Variants in SUGCT observed in about 807,000 individuals in gnomAD.
SUGCT encodes succinyl-CoA:glutarate-CoA transferase, also known as succinyl-CoA:glutarate CoA-transferase.
A neutral mutation model predicts 55.0 loss-of-function variants in SUGCT; 41 were observed. The ratio of observed to expected loss-of-function variants is 0.74; its 90% confidence interval spans 0.58 to 0.97. SUGCT has a LOEUF of 0.97. Ranked by LOEUF, SUGCT falls within the 50% of genes least tolerant of loss-of-function variation. The pLI is 0.00. For missense variants in SUGCT, 568 were observed against 547.8 expected (o/e 1.04, Z -0.37); for synonymous variants, 187 against 200.4 (o/e 0.93, Z 0.56).
chr7:40,188,145 T>C (rs1349970950), intron 3 of SUGCT, among the ~76,000 whole-genome samples: 3 of 148,782 alleles, frequency 2.0e-5, no homozygotes, highest in Non-Finnish European at 4.5e-5. Context: ...TAGAAACTGC[T>C]TTAAATGGAT....
intron 13 of SUGCT, among the ~76,000 whole-genome samples, chr7:40,752,731 T>C (rs527409128): frequency 2.7e-5 from 4 of 150,560 alleles, no homozygotes; most frequent in Admixed American, 6.6e-5. Flanking sequence ...TTCAAAGTTA[T>C]ATGGTGAGGA....
At chr7:40,475,896 A>G (rs1002744607) in intron 11 of SUGCT, among the ~76,000 whole-genome samples, 19 of 152,040 alleles carry the variant, frequency 1.2e-4, no homozygotes, top group African/African-American at 4.6e-4. Context: ...TTATCTATCA[A>G]TCCATCAATT....
chr7:40,750,854 G>A (rs551993747), intron 13 of SUGCT, among the ~76,000 whole-genome samples: 147 of 152,208 alleles, frequency 9.7e-4, no homozygotes, highest in African/African-American at 3.4e-3. Context: ...AAGCTAAGAA[G>A]TTCATCAGTT....
chr7:40,569,682 A>C (rs1193627924), intron 12 of SUGCT, among the ~76,000 whole-genome samples: 1 of 152,150 alleles, frequency 6.6e-6, no homozygotes, highest in Non-Finnish European at 1.5e-5. Context: ...GTAAAATAGG[A>C]ATTGTCTCAA....
At position 40,210,290 on chromosome 7, in the gene SUGCT, C is replaced by T. The variant is rs373308750; in HGVS notation, c.484+15230C>T. ...CTCAAACTCCTGACCTTGTGATCTG[C>T]CCACTTTGGCCTCCCAAAGTGCTGG... On this transcript the variant is annotated intron_variant, in intron 6 of 13. Transcript: ENST00000335693. Among the ~76,000 whole-genome samples the T allele has an allele frequency of 3.9e-4, 60 of 151,948 alleles. 1 individual carries two copies. The South Asian group carries it at 0.012, about 31-fold the overall frequency.
intron 6 of SUGCT, among the ~76,000 whole-genome samples, chr7:40,210,645 C>T (rs1787284539): frequency 1.3e-5 from 2 of 152,020 alleles, no homozygotes; most frequent in Non-Finnish European, 2.9e-5. Flanking sequence ...TGAGCGCACA[C>T]CTGGATAAGG....
At chr7:40,421,041 T>C (rs549479166) in intron 9 of SUGCT, among the ~76,000 whole-genome samples, 1 of 152,186 alleles carries the variant, frequency 6.6e-6, no homozygotes, top group Non-Finnish European at 1.5e-5. Context: ...CACTTGTTCC[T>C]GTTCCCATCC....
the SUGCT span, among the ~76,000 whole-genome samples, chr7:41,023,751 A>AT: frequency 4.7e-4 from 71 of 150,260 alleles, no homozygotes; most frequent in South Asian, 4.2e-3. Context: ...CTGGGAAGGG[A>AT]TTTTTTTTTT....
intron 1 of SUGCT, among the ~76,000 whole-genome samples, chr7:40,145,714 C>G (rs1407509539): frequency 6.6e-6 from 1 of 152,194 alleles, no homozygotes; most frequent in African/African-American, 2.4e-5. Context: ...CCTGTTCAGT[C>G]CATATTAACT....
chr7:40,366,709 A>T (rs1380488579), intron 9 of SUGCT, among the ~76,000 whole-genome samples: 1 of 152,138 alleles, frequency 6.6e-6, no homozygotes, highest in Non-Finnish European at 1.5e-5. Flanking sequence ...TCAAAACCAC[A>T]ATGAGATACC....
chr7:40,573,299 G>A (rs1221418329), intron 12 of SUGCT, among the ~76,000 whole-genome samples: 4 of 152,326 alleles, frequency 2.6e-5, no homozygotes, highest in African/African-American at 7.2e-5. Flanking sequence ...TCTTTAGATT[G>A]TCGTCATGTT....
the SUGCT span, among the ~76,000 whole-genome samples, chr7:40,945,368 A>G: frequency 1.3e-5 from 2 of 152,148 alleles, no homozygotes; most frequent in Admixed American, 6.5e-5. Flanking sequence ...CTGATGTTTC[A>G]TGTACAGAGG....
chr7:40,498,878 T>C, intron 12 of SUGCT: 2 of 350,940 alleles, frequency 5.7e-6, no homozygotes, highest in Non-Finnish European at 1.1e-5. Flanking sequence ...AAGCTTGCAC[T>C]CTACTATCCT....
intron 13 of SUGCT, among the ~76,000 whole-genome samples, chr7:40,848,191 T>C (rs1655599092): frequency 6.6e-6 from 1 of 152,184 alleles, no homozygotes; most frequent in African/African-American, 2.4e-5. Flanking sequence ...CCAGAGAAAC[T>C]TGCATAATTT....
At chr7:40,392,463 G>T (rs1007559470) in intron 9 of SUGCT, among the ~76,000 whole-genome samples, 1 of 152,088 alleles carries the variant, frequency 6.6e-6, no homozygotes, top group South Asian at 2.1e-4. Flanking sequence ...TAATGGGTGG[G>T]GGGAAGAAAT....
chr7:40,828,365 A>G (rs529054575), intron 13 of SUGCT, among the ~76,000 whole-genome samples: 4 of 152,278 alleles, frequency 2.6e-5, no homozygotes, highest in Admixed American at 2.6e-4. Flanking sequence ...TGAAGCTAGC[A>G]TTTAATATTG....
chr7:40,599,124 G>T (rs1448744113), intron 12 of SUGCT, among the ~76,000 whole-genome samples: 1 of 152,118 alleles, frequency 6.6e-6, no homozygotes, highest in African/African-American at 2.4e-5. Context: ...CTGTTTTGTG[G>T]TCAGATGAGA....
At chr7:40,218,886 G>C (rs1787842731) in intron 6 of SUGCT, among the ~76,000 whole-genome samples, 1 of 152,166 alleles carries the variant, frequency 6.6e-6, no homozygotes, top group Non-Finnish European at 1.5e-5. Flanking sequence ...ATGTGGGTGG[G>C]GCCAAATAAG....
chr7:40,687,610 G>C (rs1784519694), intron 12 of SUGCT, among the ~76,000 whole-genome samples: 1 of 152,066 alleles, frequency 6.6e-6, no homozygotes, highest in Admixed American at 6.6e-5. Flanking sequence ...AAATTTCGTA[G>C]AGAACTGGAA....
Sources: allele counts gnomAD v4.1 joint callset (sites outside exome capture counted in the v4.1 genomes callset), GRCh38; gene constraint gnomAD v4.1.1; transcripts MANE v1.5; gene names NCBI Gene and HGNC (gene_info 2026-07-23, HGNC 2026-07-21).